The following PRKG1 variants were observed in gnomAD, a reference collection of about 807,000 sequenced individuals.
PRKG1 encodes the protein protein kinase cGMP-dependent 1.
A neutral mutation model predicts 88.1 loss-of-function variants in PRKG1; 35 were observed. The observed-to-expected ratio is 0.40, with a 90% CI of 0.30 to 0.53. PRKG1 has a LOEUF of 0.53. Ranked by LOEUF, PRKG1 falls within the 20% of genes least tolerant of loss-of-function variation. The probability of loss-of-function intolerance (pLI) is 0.59; values close to 1 mark genes in which losing one functional copy is unlikely to be tolerated. For missense variants in PRKG1, 540 were observed against 839.8 expected, an observed-to-expected ratio of 0.64 and a Z score of 4.41; for synonymous variants, 303 against 292.5, an observed-to-expected ratio of 1.04 and a Z score of -0.37.
chr10:51,463,723 A>C (rs688548), intron 2 of PRKG1, among the ~76,000 whole-genome samples: 7 of 152,016 alleles, frequency 4.6e-5, no homozygotes, highest in African/African-American at 1.7e-4. Flanking sequence ...GACGGGTGAG[A>C]GGCCTAGTAA....
Position 51,045,937 on chromosome 10 carries a change from A to T in PRKG1, c.266+54293A>T, listed in dbSNP as rs141874013. Among the ~76,000 whole-genome samples the T allele has an allele frequency of 4.1e-3, 627 of 152,326 alleles. 4 individuals carry two copies. Among genetic ancestry groups the T allele is most frequent in the African/African-American group, 0.014 (578 of 41,578 alleles). On this transcript the variant is annotated intron_variant, in intron 1 of 17. Coordinates refer to the PRKG1 transcript ENST00000401604. Reference sequence around the variant, plus strand: ...CACATTTAAGGCTAGAATGAATATCACTAATGTTGAAATGTTGTAAAACAC... The same window carrying T: ...CACATTTAAGGCTAGAATGAATATCTCTAATGTTGAAATGTTGTAAAACAC...
intron 1 of PRKG1, among the ~76,000 whole-genome samples, chr10:50,994,347 T>A (rs1564565086): frequency 1.3e-5 from 2 of 151,564 alleles, no homozygotes. Context: ...AAAAATTGTT[T>A]AAAAATGTTC....
chr10:51,150,655 A>G (rs1846047472), intron 1 of PRKG1, among the ~76,000 whole-genome samples: 2 of 152,228 alleles, frequency 1.3e-5, no homozygotes, highest in African/African-American at 4.8e-5. Flanking sequence ...TTTTGAAGTG[A>G]CACAACAGCC....
intron 9 of PRKG1, among the ~76,000 whole-genome samples, chr10:52,189,869 G>A (rs1483466056): frequency 6.6e-6 from 1 of 152,094 alleles, no homozygotes; most frequent in Non-Finnish European, 1.5e-5. Context: ...TGCCATTGAG[G>A]GCTGTTGTCA....
intron 5 of PRKG1, among the ~76,000 whole-genome samples, chr10:51,945,356 C>T (rs543572075): frequency 8.6e-5 from 13 of 151,458 alleles, no homozygotes; most frequent in East Asian, 5.8e-4. Flanking sequence ...TGTCTCTGCA[C>T]GTGAGATGAG....
chr10:51,874,375 A>G (rs1049660428), intron 4 of PRKG1, among the ~76,000 whole-genome samples: 1 of 152,362 alleles, frequency 6.6e-6, no homozygotes, highest in African/African-American at 2.4e-5. Flanking sequence ...GATAATTTAT[A>G]CAAGAGAGCA....
At chr10:51,782,244 T>A (rs1489082464) in intron 3 of PRKG1, among the ~76,000 whole-genome samples, 5 of 152,156 alleles carry the variant, frequency 3.3e-5, no homozygotes, top group Non-Finnish European at 7.4e-5. Context: ...AATGGGTTTA[T>A]CAGGGCGTTA....
chr10:52,069,881 A>G (rs1846453221), intron 7 of PRKG1, among the ~76,000 whole-genome samples: 1 of 151,772 alleles, frequency 6.6e-6, no homozygotes, highest in South Asian at 2.1e-4. Context: ...TTTTCCTTCT[A>G]TTGTCATAGG....
chr10:51,752,688 T>TA lies in PRKG1; in HGVS notation c.593-51897_593-51896insA, dbSNP rs1271315043. 2.0e-5 allele frequency among the ~76,000 whole-genome samples: 3 copies of TA among 152,296 alleles called. No homozygotes were observed. The East Asian group carries it at 5.8e-4, about 29-fold the overall frequency. ...TACCGTTTGTTTTGTTTCATTTGTT[T>TA]TGCTATTTAATTCTGTGAAGGAGGG... On this transcript the variant is annotated intron_variant, in intron 3 of 17. Coordinates refer to ENST00000373980, the MANE Select transcript of PRKG1 (RefSeq NM_006258.4).
At chr10:51,792,426 C>G (rs1388345040) in intron 3 of PRKG1, among the ~76,000 whole-genome samples, 2 of 152,024 alleles carry the variant, frequency 1.3e-5, no homozygotes, top group African/African-American at 4.8e-5. Context: ...GCTTCTTCCC[C>G]ACTTCGTCAG....
chr10:52,098,194 GT>G (rs1397889404), intron 7 of PRKG1, among the ~76,000 whole-genome samples: 2 of 152,060 alleles, frequency 1.3e-5, no homozygotes, highest in African/African-American at 4.8e-5. Context: ...TACCACAAAT[GT>G]TTTTTATTAT....
rs1459307226 is a variant in PRKG1 at position 52,073,237 on chromosome 10, T to C, written c.935+10606T>C. On this transcript the variant is annotated intron_variant, in intron 7 of 17. Transcript: ENST00000373980. ...GAATGGAGGGCCCACCCTGATCCAG[T>C]ATGGCAGCACCTTAACTTGATCATA... Among the ~76,000 whole-genome samples the C allele has an allele frequency of 2.6e-5, 4 of 152,196 alleles. No homozygotes were observed. The East Asian group carries it at 5.8e-4, about 22-fold the overall frequency.
At chr10:51,964,810 A>G (rs1285384867) in intron 5 of PRKG1, among the ~76,000 whole-genome samples, 2 of 152,200 alleles carry the variant, frequency 1.3e-5, no homozygotes, top group African/African-American at 4.8e-5. Flanking sequence ...ACTGCATCCA[A>G]AAATATCTGA....
chr10:51,792,352 T>C (rs148069564), intron 3 of PRKG1, among the ~76,000 whole-genome samples: 1 of 152,106 alleles, frequency 6.6e-6, no homozygotes, highest in Non-Finnish European at 1.5e-5. Flanking sequence ...TTTTGCCTAA[T>C]ATACCTGACC....
At chr10:51,845,216 T>G (rs1440575290) in intron 4 of PRKG1, among the ~76,000 whole-genome samples, 1 of 152,158 alleles carries the variant, frequency 6.6e-6, no homozygotes, top group African/African-American at 2.4e-5. Flanking sequence ...TATTTTTTTA[T>G]GTTCTGCATG....
At chr10:51,948,551 T>A (rs886151678) in intron 5 of PRKG1, among the ~76,000 whole-genome samples, 1 of 54,880 alleles carries the variant, frequency 1.8e-5, no homozygotes, top group Non-Finnish European at 3.1e-5. Flanking sequence ...TGTGTGTGCG[T>A]GTGTGTGTGT....
At chr10:51,353,603 C>A (rs907684245) in intron 2 of PRKG1, among the ~76,000 whole-genome samples, 11 of 152,154 alleles carry the variant, frequency 7.2e-5, no homozygotes, top group Non-Finnish European at 1.5e-4. Flanking sequence ...GAGATATCAT[C>A]TCACCTCAGT....
intron 5 of PRKG1, among the ~76,000 whole-genome samples, chr10:51,976,980 CTTTTA>C (rs928041193): frequency 4.6e-5 from 7 of 151,582 alleles, no homozygotes; most frequent in East Asian, 1.9e-4. Flanking sequence ...TGTTTTTTTA[CTTTTA>C]TTTTAAGTTT....
intron 7 of PRKG1, among the ~76,000 whole-genome samples, chr10:52,119,541 C>T (rs777461822): frequency 6.6e-5 from 10 of 152,106 alleles, no homozygotes; most frequent in Non-Finnish European, 1.0e-4. Flanking sequence ...GTTTATCAAT[C>T]CAGTCATTCC....
Sources: allele counts gnomAD v4.1 joint callset (sites outside exome capture counted in the v4.1 genomes callset), GRCh38; gene constraint gnomAD v4.1.1; transcripts MANE v1.5; gene names NCBI Gene and HGNC (gene_info 2026-07-23, HGNC 2026-07-21).